Variants in ZFHX3 observed in about 807,000 individuals in gnomAD.
The protein encoded by ZFHX3 is zinc finger homeobox protein 3.
Under a neutral mutation model 279.1 loss-of-function variants are expected in ZFHX3, and 42 were observed. That is an observed-to-expected ratio of 0.15 (90% confidence interval 0.12 to 0.19). The LOEUF is 0.19. Among genes scored for constraint, ZFHX3 ranks in the 10% least tolerant of loss-of-function variants. ZFHX3 has a pLI of 1.00. For synonymous variants in ZFHX3, 2,293 were observed against 1,957.8 expected (o/e 1.17, Z -4.52); for missense variants, 4,981 against 4,754.0 (o/e 1.05, Z -1.40).
At chr16:73,047,118 GCTT>G (rs1335203038) in intron 1 of ZFHX3, among the ~76,000 whole-genome samples, 3 of 152,132 alleles carry the variant, frequency 2.0e-5, no homozygotes, top group African/African-American at 7.2e-5. Flanking sequence ...AGCCTACAAT[GCTT>G]CTTTTTGTTG....
At chr16:73,059,332 AACACAC>A (rs71391480) in exon 1 of ZFHX3, 1,512 of 146,250 alleles carry the variant, frequency 0.01, 22 homozygotes, top group African/African-American at 0.032. Flanking sequence ...ATGTATTAAA[AACACAC>A]ACACACACAC....
intron 1 of ZFHX3, among the ~76,000 whole-genome samples, chr16:73,835,890 G>A (rs981463186): frequency 5.3e-5 from 8 of 152,146 alleles, no homozygotes; most frequent in East Asian, 1.9e-4. Flanking sequence ...TAAATGTGCC[G>A]TACTCCCTGT....
chr16:73,240,418 C>T (rs181660223), intron 5 of ZFHX3, among the ~76,000 whole-genome samples: 1 of 152,182 alleles, frequency 6.6e-6, no homozygotes, highest in African/African-American at 2.4e-5. Context: ...AGGGTTTCCC[C>T]ATGTTCGCCA....
intron 1 of ZFHX3, among the ~76,000 whole-genome samples, chr16:73,865,669 C>G (rs1961997653): frequency 6.6e-6 from 1 of 152,098 alleles, no homozygotes. Context: ...AGAGAAGCAT[C>G]CAGTCATCTG....
intron 3 of ZFHX3, among the ~76,000 whole-genome samples, chr16:73,359,297 T>A (rs2016396560): frequency 6.7e-6 from 1 of 148,904 alleles, no homozygotes; most frequent in Non-Finnish European, 1.5e-5. Flanking sequence ...AAGGAAGGAG[T>A]AGAGAATGGC....
At chr16:72,902,790 G>C (rs746344901) in intron 3 of ZFHX3, among the ~76,000 whole-genome samples, 2 of 152,176 alleles carry the variant, frequency 1.3e-5, no homozygotes, top group African/African-American at 2.4e-5. Flanking sequence ...GGGGGGCTGA[G>C]GAGCCTTTCA....
chr16:73,107,486 T>G (rs1008700683), intron 7 of ZFHX3, among the ~76,000 whole-genome samples: 1 of 152,174 alleles, frequency 6.6e-6, no homozygotes, highest in Admixed American at 6.5e-5. Flanking sequence ...CCGACAAATG[T>G]TGTCACATCT....
At chr16:73,524,293 A>G (rs1434764466) in intron 2 of ZFHX3, among the ~76,000 whole-genome samples, 1 of 152,206 alleles carries the variant, frequency 6.6e-6, no homozygotes, top group Non-Finnish European at 1.5e-5. Context: ...CACTAGAATT[A>G]CAGAAATGCC....
intron 5 of ZFHX3, among the ~76,000 whole-genome samples, chr16:73,161,176 T>A (rs918435975): frequency 2.6e-5 from 4 of 152,138 alleles, no homozygotes; most frequent in African/African-American, 7.2e-5. Flanking sequence ...GGGGTCTCCC[T>A]ATATTGCCCA....
intron 2 of ZFHX3, among the ~76,000 whole-genome samples, chr16:73,667,612 A>G (rs988352958): frequency 1.3e-5 from 2 of 152,254 alleles, no homozygotes; most frequent in Non-Finnish European, 2.9e-5. Context: ...AAAATGCTCA[A>G]GAAGATACTG....
intron 7 of ZFHX3, among the ~76,000 whole-genome samples, chr16:73,118,046 G>C (rs771381135): frequency 6.6e-6 from 1 of 152,188 alleles, no homozygotes; most frequent in African/African-American, 2.4e-5. Flanking sequence ...CACACCAGAG[G>C]TAGTGAATTG....
intron 3 of ZFHX3, among the ~76,000 whole-genome samples, chr16:73,379,365 C>A (rs35904971): frequency 2.6e-5 from 4 of 152,082 alleles, no homozygotes; most frequent in South Asian, 4.2e-4. Context: ...CCCACAAGCC[C>A]CAATCTCAGT....
chr16:73,274,023 A>G (rs1030259940), intron 4 of ZFHX3, among the ~76,000 whole-genome samples: 2 of 152,324 alleles, frequency 1.3e-5, no homozygotes, highest in East Asian at 1.9e-4. Context: ...GCGCGCCTGT[A>G]ATCCCAGCTA....
At chr16:73,777,377 C>T (rs1959291248) in intron 1 of ZFHX3, among the ~76,000 whole-genome samples, 1 of 151,882 alleles carries the variant, frequency 6.6e-6, no homozygotes, top group Admixed American at 6.6e-5. Flanking sequence ...GTGGCGCGTG[C>T]CTGTAGTCTC....
chr16:72,951,004 C>A, intron 2 of ZFHX3, 39 bp from the exon 3 acceptor site: 4 of 1,586,952 alleles, frequency 2.5e-6, no homozygotes, highest in South Asian at 1.1e-5. Context: ...AGACACCAGG[C>A]TCATGGTCAC....
intron 3 of ZFHX3, among the ~76,000 whole-genome samples, chr16:72,944,464 C>G (rs1056197856): frequency 1.3e-5 from 2 of 152,038 alleles, no homozygotes; most frequent in African/African-American, 4.8e-5. Context: ...ACAGTAAAGT[C>G]AGAAAGTAGA....
intron 4 of ZFHX3, among the ~76,000 whole-genome samples, chr16:72,851,398 G>C (rs1375172161): frequency 6.6e-6 from 1 of 152,148 alleles, no homozygotes; most frequent in Admixed American, 6.5e-5. Context: ...TCAACACCAC[G>C]GCGAGTCTTC....
chr16:73,440,215 C>T (rs953339010), intron 3 of ZFHX3, among the ~76,000 whole-genome samples: 1 of 152,204 alleles, frequency 6.6e-6, no homozygotes, highest in African/African-American at 2.4e-5. Context: ...CTCCAGTTTC[C>T]AAATTCTATC....
rs1158914892 is a variant in ZFHX3 at position 72,959,453 on chromosome 16, G to A, written c.693C>T (p.Phe231=). 3.7e-6 allele frequency: 6 copies of A among 1,614,126 alleles called. No homozygotes were observed. Among genetic ancestry groups the A allele is most frequent in the Non-Finnish European group, 5.1e-6 (6 of 1,180,050 alleles). The change falls in exon 2 of 10, where the codon TTC becomes TTT. Residue 231 remains phenylalanine (F), a synonymous_variant. Transcript: ENST00000268489. ...TTTTGTGTCGCACGTCAAACACGCG[G>A]AAGCTGTGCAGGACGGGGCTGAGCC... ...LAGLSPVLHS[F]RVFDVRHKSN... is the part of the protein sequence containing the mutation.
Sources: allele counts gnomAD v4.1 joint callset (sites outside exome capture counted in the v4.1 genomes callset), GRCh38; gene constraint gnomAD v4.1.1; transcripts MANE v1.5; gene names NCBI Gene and HGNC (gene_info 2026-07-23, HGNC 2026-07-21).